The following ARHGEF18 variants were observed in gnomAD, a reference collection of about 807,000 sequenced individuals.
ARHGEF18 encodes Rho/Rac guanine nucleotide exchange factor 18.
A neutral mutation model predicts 155.7 loss-of-function variants in ARHGEF18; 93 were observed. The observed-to-expected ratio is 0.60, with a 90% CI of 0.50 to 0.71. The LOEUF (loss-of-function observed/expected upper bound fraction) is 0.71. Ranked by LOEUF, ARHGEF18 falls within the 30% of genes least tolerant of loss-of-function variation. The pLI, the probability that ARHGEF18 is intolerant of heterozygous loss-of-function variation, is 0.00. For missense variants in ARHGEF18, 1,593 were observed against 1,816.1 expected (o/e 0.88, Z 2.23); for synonymous variants, 742 against 753.1 (o/e 0.99, Z 0.24).
At chr19:7,454,139 G>A (rs1429125507) in intron 17 of ARHGEF18, among the ~76,000 whole-genome samples, 1 of 151,128 alleles carries the variant, frequency 6.6e-6, no homozygotes, top group Admixed American at 6.6e-5. Flanking sequence ...TTGGATTGGT[G>A]GGTGCCATCT....
rs200676214 is a variant in ARHGEF18 at position 7,451,145 on chromosome 19, C to G, written c.1738-4C>G. The G allele has an allele frequency of 2.6e-6, 4 of 1,554,350 alleles. No individual in the cohort carries two copies. The highest frequency in any genetic ancestry group is 2.3e-5 in the East Asian group (1 of 43,024). On this transcript the variant is annotated splice_region_variant and splice_polypyrimidine_tract_variant and intron_variant, in intron 15 of 28. Transcript: ENST00000668164. ...AATACAGGATCTTGCTTTCTGTTTC[C>G]TAGAAAATTGGCAACTTCTCCATCG...
intron 10 of ARHGEF18, among the ~76,000 whole-genome samples, chr19:7,404,457 C>CT (rs35583640): frequency 0.01 from 1,197 of 115,266 alleles, 20 homozygotes; most frequent in Non-Finnish European, 0.013. Context: ...GGATCTCTCT[C>CT]TTTTTTTTTT....
rs1472758470 is a variant in ARHGEF18, at chr19:7,463,478, T to C, written c.2636-340T>C. On this transcript the variant is annotated intron_variant, in intron 21 of 28. Transcript: ENST00000668164. This position sits in a 1 kb window ranked among gnomAD's most constrained non-coding sequence, Gnocchi z 5.2. The stretch of plus-strand genomic sequence containing the variant: ...GTCATATAACACACCAAGTGTTTCC[T>C]GCTGGCCCTGGGCAGGGCCACATCC... 6.6e-6 allele frequency among the ~76,000 whole-genome samples: 1 copy of C among 152,196 alleles called. No individual in the cohort carries two copies. The highest frequency in any genetic ancestry group is 1.5e-5 in the Non-Finnish European group (1 of 68,022).
intron 10 of ARHGEF18, among the ~76,000 whole-genome samples, chr19:7,397,997 C>T (rs1043977123): frequency 6.6e-6 from 1 of 152,152 alleles, no homozygotes; most frequent in Non-Finnish European, 1.5e-5. Context: ...GAGAGCTATG[C>T]GAAGTGCTGC....
intron 1 of ARHGEF18, among the ~76,000 whole-genome samples, chr19:7,362,152 A>G (rs1295322320): frequency 4.8e-5 from 2 of 41,508 alleles, no homozygotes; most frequent in African/African-American, 3.6e-4. Context: ...GGAGAAGGAG[A>G]AGGAGGAGAA....
chr19:7,477,099 C>T, downstream of ARHGEF18: 4 of 1,123,456 alleles, frequency 3.6e-6, no homozygotes, highest in Non-Finnish European at 4.8e-6. Context: ...GGTTTCACCA[C>T]AGGCAGCTCC....
chr19:7,425,154 T>C (rs888713108), intron 10 of ARHGEF18, among the ~76,000 whole-genome samples: 5 of 152,248 alleles, frequency 3.3e-5, no homozygotes, highest in East Asian at 1.9e-4. Context: ...GACCATGACA[T>C]GCAGCCAACT....
downstream of ARHGEF18, among the ~76,000 whole-genome samples, chr19:7,474,903 G>T (rs1977186875): frequency 6.6e-6 from 1 of 152,010 alleles, no homozygotes; most frequent in African/African-American, 2.4e-5. Flanking sequence ...GGCCCTGGGG[G>T]GCTTGGAGGC....
intron 10 of ARHGEF18, chr19:7,394,970 A>C (rs1199042991): frequency 2.3e-6 from 2 of 882,654 alleles, no homozygotes; most frequent in Non-Finnish European, 2.7e-6. Context: ...GCCCCTCTCA[A>C]GGCCGAGCCG....
At chr19:7,397,667 A>G (rs1233255424) in intron 10 of ARHGEF18, among the ~76,000 whole-genome samples, 1 of 151,520 alleles carries the variant, frequency 6.6e-6, no homozygotes, top group African/African-American at 2.4e-5. Context: ...CGGGAGGTAG[A>G]GGTTGCAGTG....
rs762196307 is a variant in ARHGEF18, at chr19:7,385,833, A to ATCTCTCTCTCTCTCTC, written c.967+2653_967+2668dup. 4.4e-4 allele frequency among the ~76,000 whole-genome samples: 23 copies of ATCTCTCTCTCTCTCTC among 51,968 alleles called. 1 individual carries two copies. The highest frequency in any genetic ancestry group is 6.5e-4 in the Non-Finnish European group (18 of 27,628). 34.1% of individuals were successfully genotyped at this position (51,968 alleles called of 152,430 possible). ...TTAGAGATAGGATCTATCTCTCTCT[A>ATCTCTCTCTCTCTCTC]TCTCTCTCTCTCTCTCTCTCTCTCT... On this transcript the variant is annotated intron_variant, in intron 10 of 28. Coordinates refer to ENST00000668164, the MANE Select transcript of ARHGEF18 (RefSeq NM_001367823.1).
the ARHGEF18 span, among the ~76,000 whole-genome samples, chr19:7,479,794 T>G: frequency 6.6e-6 from 1 of 152,224 alleles, no homozygotes; most frequent in East Asian, 1.9e-4. Flanking sequence ...AAACCTAGCG[T>G]GAACCCTAAC....
intron 6 of ARHGEF18, 63 bp downstream of exon 6, chr19:7,378,514 C>A (rs1027744216): frequency 6.6e-5 from 80 of 1,211,706 alleles, no homozygotes; most frequent in Non-Finnish European, 7.9e-5. Context: ...GTCAGGGCTG[C>A]GGGAGGAGGG....
At chr19:7,451,325 G>T in intron 16 of ARHGEF18, 59 bp downstream of exon 16, 1 of 1,427,234 alleles carries the variant, frequency 7.0e-7, no homozygotes, top group Non-Finnish European at 9.8e-7. Context: ...GGCTCTCTCC[G>T]TGTACCCACT....
chr19:7,405,938 A>G (rs2145591609), intron 10 of ARHGEF18, among the ~76,000 whole-genome samples: 1 of 152,266 alleles, frequency 6.6e-6, no homozygotes, highest in South Asian at 2.1e-4. Context: ...TTTACAAGCT[A>G]TTGGCACTCA....
At chr19:7,362,245 G>A (rs1205190391) in intron 1 of ARHGEF18, among the ~76,000 whole-genome samples, 1 of 150,820 alleles carries the variant, frequency 6.6e-6, no homozygotes, top group Admixed American at 6.6e-5. Context: ...AAGACAAGAA[G>A]AGGAAGAGGA....
At chr19:7,474,754 A>AGAGTGTGTGTGTGTGTGTGTGTGT (rs1555733264), downstream of ARHGEF18, among the ~76,000 whole-genome samples, 3 of 142,038 alleles carry the variant, frequency 2.1e-5, no homozygotes, top group Admixed American at 7.0e-5. Flanking sequence ...TGGGCATTGG[A>AGAGTGTGTGTGTGTGTGTGTGTGT]GTGTGTGTGT....
rs1568285749 is a variant in ARHGEF18, at chr19:7,385,863, CTCTCTCT to C, written c.967+2661_967+2667del. Among the ~76,000 whole-genome samples the C allele has an allele frequency of 2.4e-3, 255 of 106,238 alleles. 4 individuals are homozygous for C. Among genetic ancestry groups the C allele is most frequent in the African/African-American group, 0.01 (207 of 20,096 alleles). The allele number at this position is 106,238 out of a possible 152,430, so 69.7% of individuals were successfully genotyped here. A position where few individuals can be genotyped will look rare whatever the true frequency, so the allele number is the denominator to read the frequency against. ...TCTCTCTCTCTCTCTCTCTCTCTCT[CTCTCTCT>C]CCCCCCTCCCTCTCTCCCTCCCTCC... On this transcript the variant is annotated intron_variant, in intron 10 of 28. Transcript: ENST00000668164.
downstream of ARHGEF18, among the ~76,000 whole-genome samples, chr19:7,474,130 G>A (rs145263035): frequency 1.1e-3 from 163 of 152,024 alleles, 2 homozygotes; most frequent in East Asian, 0.01. Context: ...CCTGAGGTCC[G>A]GAGTTTGAGA....
Sources: allele counts gnomAD v4.1 joint callset (sites outside exome capture counted in the v4.1 genomes callset), GRCh38; gene constraint gnomAD v4.1.1; non-coding constraint Gnocchi (gnomAD v3.1); transcripts MANE v1.5; gene names NCBI Gene and HGNC (gene_info 2026-07-23, HGNC 2026-07-21).